CACNA1A: variants seen among roughly 807,000 people sequenced by gnomAD.
CACNA1A encodes the protein voltage-dependent P/Q-type calcium channel subunit alpha-1A.
A neutral mutation model predicts 262.4 loss-of-function variants in CACNA1A; 57 were observed. The ratio of observed to expected loss-of-function variants is 0.22; its 90% confidence interval spans 0.18 to 0.27. The LOEUF is 0.27. Ranked by LOEUF, CACNA1A falls within the 10% of genes least tolerant of loss-of-function variation. The pLI is 1.00. For synonymous variants in CACNA1A, 1,431 were observed against 1,419.3 expected, an observed-to-expected ratio of 1.01 and a Z score of -0.18; for missense variants, 2,526 against 3,562.8, an observed-to-expected ratio of 0.71 and a Z score of 7.41.
intron 3 of CACNA1A, among the ~76,000 whole-genome samples, chr19:13,403,145 G>A (rs535551944): frequency 4.0e-5 from 6 of 151,498 alleles, no homozygotes; most frequent in East Asian, 1.9e-4. Flanking sequence ...ACACACCATC[G>A]TTAATGTTTA....
chr19:13,358,495 C>CA (rs754418121), intron 6 of CACNA1A, among the ~76,000 whole-genome samples: 13 of 152,092 alleles, frequency 8.5e-5, no homozygotes, highest in Non-Finnish European at 1.9e-4. Context: ...TATGAGAAAA[C>CA]AAAAATCACA....
At chr19:13,211,003 ACCCCTGGCTCCGGCCGATGCTCAAAGCTT>A (rs1357637482) in intron 43 of CACNA1A, 1 of 308,624 alleles carries the variant, frequency 3.2e-6, no homozygotes, top group Non-Finnish European at 6.2e-6. Flanking sequence ...GCACACCCCA[ACCCCTGGCTCCGGCCGATGCTCAAAGCTT>A]CCATGTGGTG....
intron 34 of CACNA1A, among the ~76,000 whole-genome samples, chr19:13,233,036 C>T (rs568395657): frequency 2.0e-5 from 3 of 150,900 alleles, no homozygotes; most frequent in Admixed American, 6.6e-5. Flanking sequence ...GCAACAAGAC[C>T]GAAACTCTGT....
rs1009916623 is a variant in CACNA1A, at chr19:13,236,600, G to T, written c.4951-870C>A. Reference sequence around the variant, plus strand: ...GCTTCTCAGCTTCTGGGGCTGGGTGGAGTAGCACGGGACCAGGCCTGCAGG... The same window carrying T: ...GCTTCTCAGCTTCTGGGGCTGGGTGTAGTAGCACGGGACCAGGCCTGCAGG... On this transcript the variant is annotated intron_variant, in intron 31 of 46. Transcript: ENST00000360228. This position sits in a 1 kb window ranked among gnomAD's most constrained non-coding sequence, Gnocchi z 4.6. The T allele has an allele frequency of 6.5e-6, 1 of 152,828 alleles. No individual in the cohort carries two copies. Among genetic ancestry groups the T allele is most frequent in the African/African-American group, 2.4e-5 (1 of 41,444 alleles). The allele number at this position is 152,828 out of a possible 1,614,324, so 9.5% of individuals were successfully genotyped here.
chr19:13,495,176 A>G (rs989545664), intron 1 of CACNA1A, among the ~76,000 whole-genome samples: 6 of 152,220 alleles, frequency 3.9e-5, no homozygotes, highest in Non-Finnish European at 5.9e-5. Flanking sequence ...CCATTACTCA[A>G]TTAAATACTT....
chr19:13,478,016 G>A (rs1180883785), intron 1 of CACNA1A, among the ~76,000 whole-genome samples: 1 of 152,124 alleles, frequency 6.6e-6, no homozygotes, highest in African/African-American at 2.4e-5. Flanking sequence ...AGCAGTCCCT[G>A]ATTTTTCCTC....
chr19:13,477,969 G>A (rs1291114856), intron 1 of CACNA1A, among the ~76,000 whole-genome samples: 1 of 152,128 alleles, frequency 6.6e-6, no homozygotes, highest in African/African-American at 2.4e-5. Context: ...GCAAATGTGT[G>A]GGTGGATGGG....
intron 44 of CACNA1A, 71 bp from the exon 45 acceptor site, chr19:13,209,569 CA>C: frequency 8.6e-7 from 1 of 1,167,822 alleles, no homozygotes; most frequent in East Asian, 3.2e-5. Context: ...CTTCCTGCCC[CA>C]TTGTGGCAGC....
intron 1 of CACNA1A, among the ~76,000 whole-genome samples, chr19:13,495,284 A>T (rs1981363697): frequency 6.6e-6 from 1 of 152,100 alleles, no homozygotes; most frequent in South Asian, 2.1e-4. Context: ...GTAAAACCTA[A>T]GCATATAATA....
At chr19:13,299,387 G>C (rs2057742601) in intron 18 of CACNA1A, 34 bp from the exon 19 acceptor site, 2 of 1,581,172 alleles carry the variant, frequency 1.3e-6, no homozygotes, top group Non-Finnish European at 1.7e-6. Flanking sequence ...TTAGAGCATT[G>C]CTAGGCACTG....
chr19:13,207,382 C>T lies in CACNA1A; in HGVS notation c.7452G>A (p.Arg2484=). The T allele has an allele frequency of 1.3e-6, 2 of 1,543,950 alleles. No homozygotes were observed. The highest frequency in any genetic ancestry group is 1.7e-6 in the Non-Finnish European group (2 of 1,151,272). Residue 2484 remains arginine, a synonymous_variant, in exon 47 of 47, where the codon AGG becomes AGA. Coordinates refer to ENST00000360228, the MANE Select transcript of CACNA1A (RefSeq NM_001127222.2). This position sits in a 1 kb window ranked among gnomAD's most constrained non-coding sequence, Gnocchi z 5.7. ...CCTTCCTGGAGCCCGGCCCGCGGGG[C>T]CTGGCCAGTCCGTGCGCCGGGTAGT... The part of the protein sequence containing the change: ...NGYYPAHGLA[R]PRGPGSRKGL...
intron 3 of CACNA1A, among the ~76,000 whole-genome samples, chr19:13,447,478 T>C (rs771546319): frequency 1.3e-5 from 2 of 152,196 alleles, no homozygotes; most frequent in Non-Finnish European, 1.5e-5. Context: ...TCTGTATTAG[T>C]CAAGGTTCTT....
intron 4 of CACNA1A, 130 bp from the exon 5 acceptor site, chr19:13,365,599 T>C (rs2059195834): frequency 1.4e-6 from 1 of 690,442 alleles, no homozygotes; most frequent in African/African-American, 1.8e-5. Flanking sequence ...CCCAGGAGCC[T>C]GGGGATTGGG....
chr19:13,455,320 C>A, intron 1 of CACNA1A, 108 bp from the exon 2 acceptor site: 1 of 663,376 alleles, frequency 1.5e-6, no homozygotes, highest in South Asian at 1.7e-5. Flanking sequence ...TAGATCCTTC[C>A]AACTCATCAG....
At chr19:13,294,328 C>A (rs1027406280) in intron 19 of CACNA1A, among the ~76,000 whole-genome samples, 3 of 151,802 alleles carry the variant, frequency 2.0e-5, no homozygotes, top group Non-Finnish European at 4.4e-5. Context: ...AAGGATAATT[C>A]TTTTCCATAT....
Position 13,207,356 on chromosome 19 carries a change from C to T in CACNA1A, c.7478G>A (p.Gly2493Asp). The T allele has an allele frequency of 6.4e-7, 1 of 1,556,748 alleles. No homozygotes were observed. Among genetic ancestry groups the T allele is most frequent in the Non-Finnish European group, 8.6e-7 (1 of 1,158,588 alleles). Residue 2493 changes from glycine to aspartate, a missense_variant, in exon 47 of 47, where the codon GGC (glycine) becomes GAC (aspartate). Around this residue, in one of 17 missense-constraint regions of CACNA1A, gnomAD observed 929 missense variants for 868.1 expected, o/e 1.07. Transcript: ENST00000360228. This position sits in a 1 kb window ranked among gnomAD's most constrained non-coding sequence, Gnocchi z 5.7. ...ACTCTCGCTGTAGGGTTCGTGCAGG[C>T]CCTTCCTGGAGCCCGGCCCGCGGGG... ...ARPRGPGSRK[G>D]LHEPYSESDD...
At chr19:13,413,895 A>AAAG (rs2060168175) in intron 3 of CACNA1A, among the ~76,000 whole-genome samples, 11 of 119,220 alleles carry the variant, frequency 9.2e-5, no homozygotes, top group African/African-American at 3.7e-4. Context: ...GAAAGAAAGA[A>AAAG]AAAGAAAGAA....
At chr19:13,371,973 T>C (rs1210122512) in intron 3 of CACNA1A, among the ~76,000 whole-genome samples, 194 bp from the exon 4 acceptor site, 2 of 152,010 alleles carry the variant, frequency 1.3e-5, no homozygotes, top group Non-Finnish European at 2.9e-5. Context: ...TAAAAGGTGA[T>C]TTACGAAGAC....
At chr19:13,323,127 C>T (rs1228447762) in intron 10 of CACNA1A, among the ~76,000 whole-genome samples, 1 of 152,062 alleles carries the variant, frequency 6.6e-6, no homozygotes, top group Admixed American at 6.6e-5. Flanking sequence ...GGCATGGTGG[C>T]GTGTGCCTGT....
Sources: gnomAD v4.1 joint callset for allele counts (sites outside exome capture counted in the v4.1 genomes callset) on GRCh38, gnomAD v4.1.1 for gene constraint, gnomAD v4.1.1 regional missense constraint, Gnocchi (gnomAD v3.1) non-coding constraint, MANE v1.5 for transcripts, NCBI Gene and HGNC (gene_info 2026-07-23, HGNC 2026-07-21) for gene names.